Variants in NDE1 observed in about 807,000 individuals in gnomAD.
NDE1 encodes nuclear distribution protein nudE homolog 1.
NDE1 carries 28 observed loss-of-function variants against 43.4 expected under a neutral mutation model. That is an observed-to-expected ratio of 0.65 (90% CI 0.48 to 0.89). The LOEUF (loss-of-function observed/expected upper bound fraction) is 0.89, where lower values mean the gene tolerates loss of function less well. Among genes scored for constraint, NDE1 ranks in the 40% least tolerant of loss-of-function variants. NDE1 has a pLI of 0.00. For missense variants in NDE1, 441 were observed against 434.1 expected, an observed-to-expected ratio of 1.02 and a Z score of -0.14; for synonymous variants, 184 against 172.0, an observed-to-expected ratio of 1.07 and a Z score of -0.55.
intron 8 of NDE1, among the ~76,000 whole-genome samples, chr16:15,707,969 A>T (rs1188201248): frequency 6.6e-6 from 1 of 151,302 alleles, no homozygotes; most frequent in African/African-American, 2.4e-5. Context: ...CAAAAAAAAA[A>T]AAAAAAAAAA....
chr16:15,660,700 G>A (rs1037335866), intron 1 of NDE1, among the ~76,000 whole-genome samples: 4 of 151,986 alleles, frequency 2.6e-5, no homozygotes, highest in South Asian at 2.1e-4. Context: ...TGCTCACACC[G>A]CCAGTGACCG....
At chr16:15,718,251 G>A in intron 8 of NDE1, 5 of 1,602,408 alleles carry the variant, frequency 3.1e-6, no homozygotes, top group Non-Finnish European at 4.2e-6. Flanking sequence ...GTGTTGACTG[G>A]TGCAGGATCC....
rs2040437847 is a variant in NDE1, at chr16:15,720,939, C to T, written c.948-3252C>T. On this transcript the variant is annotated intron_variant, in intron 8 of 8. Coordinates refer to ENST00000396354, the MANE Select transcript of NDE1 (RefSeq NM_017668.3). ...GAGCGCCTGCATGTTGACTTCCAGC[C>T]GCAGTTTGGCGTCCTCCGTGGCTTG... is the stretch of plus-strand genomic sequence containing the variant. The T allele has an allele frequency of 6.2e-7, 1 of 1,614,040 alleles. No individual in the cohort carries two copies. The highest frequency in any genetic ancestry group is 8.5e-7 in the Non-Finnish European group (1 of 1,180,016).
intron 4 of NDE1, chr16:15,684,474 T>C (rs1207141634): frequency 1.3e-5 from 2 of 150,416 alleles, no homozygotes; most frequent in East Asian, 3.9e-4. Flanking sequence ...GTGCCTGTAA[T>C]CCCAGCTACT....
exon 1 of NDE1, chr16:15,643,642 A>G: frequency 3.6e-6 from 1 of 275,610 alleles, no homozygotes; most frequent in Non-Finnish European, 6.9e-6. Context: ...AATGGCGCAT[A>G]TTCCCCAGCA....
intron 8 of NDE1, chr16:15,719,547 C>G: frequency 6.2e-7 from 1 of 1,613,000 alleles, no homozygotes; most frequent in African/African-American, 1.3e-5. Flanking sequence ...TACCGTGACA[C>G]CCGCATCTGA....
chr16:15,718,811 G>A (rs1013396074), intron 8 of NDE1: 5 of 407,654 alleles, frequency 1.2e-5, no homozygotes, highest in South Asian at 2.4e-5. Flanking sequence ...CTCAGAGGAC[G>A]CTTCGTCAGC....
intron 1 of NDE1, among the ~76,000 whole-genome samples, chr16:15,659,766 T>C (rs2036955576): frequency 7.0e-6 from 1 of 143,644 alleles, no homozygotes; most frequent in Non-Finnish European, 1.5e-5. Context: ...TTTTTTTTTT[T>C]GAGACGGAGT....
chr16:15,717,095 C>T, intron 8 of NDE1: 1 of 1,596,664 alleles, frequency 6.3e-7, no homozygotes, highest in East Asian at 2.2e-5. Context: ...TCCTGCTGTC[C>T]ATCACCCCCC....
In NDE1 at chr16:15,687,426, C is replaced by A; in HGVS notation, c.438C>A (p.Ile146=). ...EDFEQRLNQA[I]ERNAFLESEL... Reference sequence around the variant, plus strand: ...TTGAGCAGCGCTTGAATCAGGCCATCGAAAGAAATGCCTTCCTGGAAAGTG... The same window carrying A: ...TTGAGCAGCGCTTGAATCAGGCCATAGAAAGAAATGCCTTCCTGGAAAGTG... The change falls in exon 5 of 9, where the codon ATC becomes ATA. Residue 146 remains isoleucine, a synonymous_variant. Coordinates refer to ENST00000396354, the MANE Select transcript of NDE1 (RefSeq NM_017668.3). 6.2e-7 allele frequency: 1 copy of A among 1,614,158 alleles called. No individual in the cohort carries two copies. Among genetic ancestry groups the A allele is most frequent in the Non-Finnish European group, 8.5e-7 (1 of 1,180,038 alleles).
rs376513344 is a variant in NDE1, at chr16:15,679,703, A to G, written c.386+1754A>G. 1.1e-4 allele frequency among the ~76,000 whole-genome samples: 16 copies of G among 152,260 alleles called. No individual in the cohort carries two copies. In the East Asian group the frequency reaches 1.9e-3, roughly 18 times the overall value. On this transcript the variant is annotated intron_variant, in intron 4 of 8. Coordinates refer to ENST00000396354, the MANE Select transcript of NDE1 (RefSeq NM_017668.3). ...ATTTTCTTTATACTCCACGCATTCA[A>G]TAACTTTGGGGTTGTATTGTAGGCA...
At chr16:15,679,339 C>T (rs540480037) in intron 4 of NDE1, among the ~76,000 whole-genome samples, 3 of 152,204 alleles carry the variant, frequency 2.0e-5, no homozygotes, top group East Asian at 1.9e-4. Flanking sequence ...TTCTCCTGTC[C>T]GTCTCGGACG....
At chr16:15,709,189 C>A (rs1440038421) in intron 8 of NDE1, among the ~76,000 whole-genome samples, 1 of 152,058 alleles carries the variant, frequency 6.6e-6, no homozygotes. Flanking sequence ...GATCTTCCTG[C>A]CTTGGCCTCC....
intron 7 of NDE1, chr16:15,695,409 T>C (rs1281941648): frequency 2.6e-6 from 2 of 778,726 alleles, no homozygotes; most frequent in African/African-American, 3.8e-5. Flanking sequence ...TTGAGAGGCT[T>C]ATGCAGGAAA....
chr16:15,696,865 G>T lies in NDE1; in HGVS notation c.947+5G>T, dbSNP rs1340640696. The T allele has an allele frequency of 6.2e-7, 1 of 1,613,922 alleles. No homozygotes were observed. The highest frequency in any genetic ancestry group is 1.3e-5 in the African/African-American group (1 of 74,938). On this transcript the variant is annotated splice_donor_5th_base_variant and intron_variant, in intron 8 of 8. Coordinates refer to ENST00000396354, the MANE Select transcript of NDE1 (RefSeq NM_017668.3). ...CGTGCCTTTGGGTGATAAGGGGTCA[G>T]TACCTTCTAATAAACCTCTCGCTGG...
Position 15,696,600 on chromosome 16 carries a change from C to T in NDE1, c.796-109C>T. ...GGGGTCCCACCTTGGAATTCCAGTG[C>T]ACAACAGTTTGAGAACCACTGTCTG... On this transcript the variant is annotated intron_variant, in intron 7 of 8. Transcript: ENST00000396354. 2.5e-6 allele frequency: 4 copies of T among 1,590,738 alleles called. No individual in the cohort carries two copies. In the South Asian group the frequency reaches 4.5e-5, roughly 18 times the overall value.
At chr16:15,721,765 A>T in intron 8 of NDE1, 1 of 887,156 alleles carries the variant, frequency 1.1e-6, no homozygotes, top group Admixed American at 2.1e-5. Context: ...TAGGTTAGCT[A>T]TGGGAGTAAT....
chr16:15,682,751 G>T (rs1441515275), intron 4 of NDE1, among the ~76,000 whole-genome samples: 1 of 152,112 alleles, frequency 6.6e-6, no homozygotes, highest in Admixed American at 6.6e-5. Flanking sequence ...TTGAGACAGA[G>T]TCTTGCTCTG....
chr16:15,657,562 G>A (rs1026494844), intron 1 of NDE1, among the ~76,000 whole-genome samples: 2 of 152,078 alleles, frequency 1.3e-5, no homozygotes, highest in Non-Finnish European at 2.9e-5. Flanking sequence ...GCTGCTCCTG[G>A]CCTTGTTAAT....
Sources: allele counts gnomAD v4.1 joint callset (sites outside exome capture counted in the v4.1 genomes callset), GRCh38; gene constraint gnomAD v4.1.1; transcripts MANE v1.5; gene names NCBI Gene and HGNC (gene_info 2026-07-23, HGNC 2026-07-21).